Variants in SYTL4 observed in about 807,000 individuals in gnomAD.
SYTL4 encodes synaptotagmin-like protein 4.
SYTL4 carries 16 observed loss-of-function variants against 52.7 expected under a neutral mutation model. The ratio of observed to expected loss-of-function variants is 0.30; its 90% CI spans 0.21 to 0.46. The LOEUF (loss-of-function observed/expected upper bound fraction) is 0.46, where lower values mean the gene tolerates loss of function less well. Among genes scored for constraint, SYTL4 ranks in the 20% least tolerant of loss-of-function variants. The pLI, the probability that SYTL4 is intolerant of heterozygous loss-of-function variation, is 1.00. For missense variants in SYTL4, 423 were observed against 519.9 expected (o/e 0.81, Z 1.81); for synonymous variants, 160 against 186.6 (o/e 0.86, Z 1.16).
intron 2 of SYTL4, among the ~76,000 whole-genome samples, chrX:100,718,214 T>C (rs1181159855): frequency 9.0e-6 from 1 of 111,440 alleles, no homozygotes; most frequent in Non-Finnish European, 1.9e-5. Context: ...TTTGACATCT[T>C]TCTATGAAAT....
intron 2 of SYTL4, among the ~76,000 whole-genome samples, chrX:100,705,403 T>C (rs2798215): frequency 0.47 from 51,623 of 110,758 alleles, 10,723 homozygotes; most frequent in Non-Finnish European, 0.64. Flanking sequence ...GGCAATCTGA[T>C]ACCAGAGTTG....
rs781443908 is a variant in SYTL4, at chrX:100,675,974, C to T, written c.*54G>A. 1 of 1,150,619 alleles carries T rather than the reference C, an allele frequency of 8.7e-7. No homozygotes were observed. The highest frequency in any genetic ancestry group is 1.8e-5 in the African/African-American group (1 of 55,299). 94.8% of individuals were successfully genotyped at this position (1,150,619 alleles called of 1,213,427 possible). ...TATAAATCTTTGCTCTTGATTTCTT[C>T]ACTTCCTCTGACCTGCCCTCGCCAG... On this transcript the variant is annotated 3_prime_UTR_variant, in exon 20 of 20. Coordinates refer to ENST00000372989, the MANE Select transcript of SYTL4 (RefSeq NM_001370165.1).
chrX:100,699,786 G>A lies in SYTL4; in HGVS notation c.539+1111C>T, dbSNP rs935875439. Among the ~76,000 whole-genome samples, 33 of 108,285 alleles carry A rather than the reference G, an allele frequency of 3.0e-4. 1 individual carries two copies. The highest frequency in any genetic ancestry group is 3.2e-4 in the Non-Finnish European group (17 of 52,359). 94.0% of individuals were successfully genotyped at this position (108,285 alleles called of 115,157 possible). The stretch of plus-strand genomic sequence containing the variant: ...TGGGATTACAGGCGTGAGCCACTGC[G>A]CCTGGCCCAGCATTACTCTTAATAA... On this transcript the variant is annotated intron_variant, in intron 8 of 19. Transcript: ENST00000372989.
rs778113759 is a variant in SYTL4, at chrX:100,688,321, G to A, written c.1005+30C>T. 2.6e-6 allele frequency: 3 copies of A among 1,157,060 alleles called. No individual in the cohort carries two copies. In the East Asian group the frequency reaches 9.0e-5, roughly 35 times the overall value. On this transcript the variant is annotated intron_variant, in intron 13 of 19. Transcript: ENST00000372989. The stretch of plus-strand genomic sequence containing the variant: ...TCTTTTCTTCCTAGTACCCCAACAT[G>A]CCTGTAACCACAGATCTAATAGAAC...
intron 19 of SYTL4, among the ~76,000 whole-genome samples, chrX:100,677,609 A>T (rs2083300931): frequency 8.9e-6 from 1 of 112,321 alleles, no homozygotes; most frequent in South Asian, 3.7e-4. Context: ...TTGGGTATAG[A>T]ATGCAGCACC....
intron 8 of SYTL4, among the ~76,000 whole-genome samples, chrX:100,691,423 T>C (rs896155537): frequency 1.8e-5 from 2 of 112,306 alleles, no homozygotes; most frequent in Non-Finnish European, 3.8e-5. Flanking sequence ...GGTGCCATCA[T>C]AGTGCACAAC....
intron 2 of SYTL4, among the ~76,000 whole-genome samples, chrX:100,706,118 T>C (rs2083952276): frequency 8.9e-6 from 1 of 112,005 alleles, no homozygotes; most frequent in South Asian, 3.7e-4. Flanking sequence ...GCTAATGCTC[T>C]AGCCTGCCTT....
intron 4 of SYTL4, among the ~76,000 whole-genome samples, chrX:100,702,346 A>G (rs1569401716): frequency 8.9e-6 from 1 of 112,439 alleles, no homozygotes; most frequent in Non-Finnish European, 1.9e-5. Flanking sequence ...GTTATTCAGT[A>G]TATGCATCTT....
chrX:100,688,785 A>G (rs1454665677), intron 12 of SYTL4, among the ~76,000 whole-genome samples: 1 of 108,516 alleles, frequency 9.2e-6, no homozygotes, highest in African/African-American at 3.4e-5. Context: ...GGCTGGTCTC[A>G]AACTCCTGAT....
rs1441042982 is a variant in SYTL4, at chrX:100,681,252, G to A, written c.1533C>T (p.Thr511=). 8.3e-7 allele frequency: 1 copy of A among 1,209,684 alleles called. No individual in the cohort carries two copies. Among genetic ancestry groups the A allele is most frequent in the Admixed American group, 2.2e-5 (1 of 45,933 alleles). Residue 511 remains threonine, a synonymous_variant, in exon 17 of 20, where the codon ACC becomes ACT. Coordinates refer to ENST00000372989, the MANE Select transcript of SYTL4 (RefSeq NM_001370165.1). ...TCTTTTTCCGGTCACCTCCAACAGG[G>A]GTTTTGGAGGCTGGGATGTATTTCA... is the stretch of plus-strand genomic sequence containing the variant. ...VSLKYIPASK[T]PVGGDRKKSK... is the part of the protein sequence containing the mutation.
At chrX:100,708,609 T>C (rs1246709729) in intron 2 of SYTL4, among the ~76,000 whole-genome samples, 1 of 112,315 alleles carries the variant, frequency 8.9e-6, no homozygotes, top group Non-Finnish European at 1.9e-5. Context: ...TAAAGACCAA[T>C]TTTAAAAATG....
In SYTL4 at chrX:100,691,195, A is replaced by G; in HGVS notation, c.554T>C (p.Val185Ala). 8.3e-7 allele frequency: 1 copy of G among 1,204,793 alleles called. No homozygotes were observed. The highest frequency in any genetic ancestry group is 1.1e-6 in the Non-Finnish European group (1 of 890,580). Residue 185 changes from valine (V) to alanine (A), a missense_variant, in exon 9 of 20, where the codon GTG (valine) becomes GCG (alanine). By Grantham distance (64) the Val-to-Ala change is moderately conservative. Transcript: ENST00000372989. ...RQKEPSVLFEVPKLKSGKSAL... is the reference protein window; with the variant it reads ...RQKEPSVLFEAPKLKSGKSAL... The stretch of plus-strand genomic sequence containing the variant: ...ACTCTTTCCACTTTTCAGCTTTGGC[A>G]CTTCAAATAGCACACTAGAATAAAA...
Position 100,690,701 on chromosome X carries a change from T to A in SYTL4, c.642-63A>T. 3 of 913,617 alleles carry A rather than the reference T, an allele frequency of 3.3e-6. No individual in the cohort carries two copies. The East Asian group carries it at 9.9e-5, about 30-fold the overall frequency. The allele number at this position is 913,617 out of a possible 1,213,427, so 75.3% of individuals were successfully genotyped here. On this transcript the variant is annotated intron_variant, in intron 9 of 19. Transcript: ENST00000372989. ...CTACCCTTCCCCTTCTACCCAGGGA[T>A]CAAAGCTCTATGGAAGGAGAGCCAA...
At chrX:100,692,710 G>A (rs910426971) in intron 8 of SYTL4, among the ~76,000 whole-genome samples, 2 of 110,107 alleles carry the variant, frequency 1.8e-5, no homozygotes, top group Admixed American at 9.7e-5. Context: ...TTGGCTCCCC[G>A]GACACCACAC....
intron 2 of SYTL4, among the ~76,000 whole-genome samples, chrX:100,718,367 C>T (rs1001048380): frequency 1.6e-4 from 18 of 111,304 alleles, no homozygotes; most frequent in African/African-American, 5.9e-4. Context: ...ATACACTGTT[C>T]CAGACAGGAT....
chrX:100,731,680 G>A (rs748424279), intron 1 of SYTL4, 175 bp from the exon 2 acceptor site: 1 of 112,290 alleles, frequency 8.9e-6, no homozygotes, highest in Non-Finnish European at 1.9e-5. Context: ...GAGGGGAGGC[G>A]GCTCCCAGAG....
intron 8 of SYTL4, among the ~76,000 whole-genome samples, chrX:100,697,152 G>T: frequency 8.9e-6 from 1 of 111,839 alleles, no homozygotes; most frequent in Non-Finnish European, 1.9e-5. Context: ...CAAGACTGAT[G>T]CAAAATGTCA....
intron 2 of SYTL4, among the ~76,000 whole-genome samples, chrX:100,724,678 TC>T (rs2084470587): frequency 9.9e-6 from 1 of 101,424 alleles, no homozygotes; most frequent in African/African-American, 3.7e-5. Context: ...GGCAGCATGC[TC>T]GTTAAGAGTC....
At chrX:100,727,397 C>T (rs2084541949) in intron 2 of SYTL4, among the ~76,000 whole-genome samples, 1 of 112,369 alleles carries the variant, frequency 8.9e-6, no homozygotes, top group African/African-American at 3.2e-5. Context: ...CAAGTTAAAT[C>T]AGTTAGATAC....
Sources: gnomAD v4.1 joint callset for allele counts (sites outside exome capture counted in the v4.1 genomes callset) on GRCh38, gnomAD v4.1.1 for gene constraint, MANE v1.5 for transcripts, NCBI Gene and HGNC (gene_info 2026-07-23, HGNC 2026-07-21) for gene names.